NUP85: variants seen among roughly 807,000 people sequenced by gnomAD.
NUP85 encodes the protein nuclear pore complex protein Nup85.
In NUP85, 23 loss-of-function variants were observed where a neutral mutation model predicts 92.8. The observed-to-expected ratio is 0.25, with a 90% confidence interval of 0.18 to 0.35. The LOEUF (loss-of-function observed/expected upper bound fraction) is 0.35, where lower values mean the gene tolerates loss of function less well. NUP85 is among the 10% of genes least tolerant of loss of function. The probability of loss-of-function intolerance (pLI) is 1.00; values close to 1 mark genes in which losing one functional copy is unlikely to be tolerated. For missense variants in NUP85, 759 were observed against 822.8 expected (o/e 0.92, Z 0.95); for synonymous variants, 314 against 306.9 (o/e 1.02, Z -0.24).
chr17:75,210,999 C>G (rs1439009065), intron 3 of NUP85, among the ~76,000 whole-genome samples: 1 of 122,714 alleles, frequency 8.1e-6, no homozygotes, highest in Non-Finnish European at 1.7e-5. Context: ...CTGTGCCTGG[C>G]CCTGTTTTTT....
intron 3 of NUP85, 55 bp from the exon 4 acceptor site, chr17:75,211,937 T>C (rs938313740): frequency 1.4e-5 from 19 of 1,355,292 alleles, no homozygotes; most frequent in Non-Finnish European, 1.8e-5. Context: ...TTCCTTCCTT[T>C]GTGGCACTAC....
At chr17:75,205,857 C>T (rs1364792914) in intron 1 of NUP85, 63 bp downstream of exon 1, 3 of 1,579,602 alleles carry the variant, frequency 1.9e-6, no homozygotes, top group Admixed American at 1.7e-5. Context: ...TGCTTAGTTA[C>T]TTCAGGCTTG....
intron 7 of NUP85, among the ~76,000 whole-genome samples, chr17:75,223,382 T>G: frequency 6.6e-6 from 1 of 152,020 alleles, no homozygotes; most frequent in Non-Finnish European, 1.5e-5. Context: ...GAGTGTATAT[T>G]TTATGTTATG....
At position 75,209,953 on chromosome 17, in the gene NUP85, C is replaced by G; in HGVS notation, c.258C>G (p.Asp86Glu). 1 of 1,585,492 alleles carries G rather than the reference C, an allele frequency of 6.3e-7. No individual in the cohort carries two copies. The highest frequency in any genetic ancestry group is 8.5e-7 in the Non-Finnish European group (1 of 1,172,672). ...HGIFLGLQRI[D>E]EELTGKSRKS... ...TCTTTCTGGGCCTCCAGAGAATTGA[C>G]GAAGAGTTGACTGGAAAATCCAGAA... The change falls in exon 3 of 19, where the codon GAC becomes GAG. Residue 86 changes from aspartate to glutamate, a missense_variant. Asp to Glu is a conservative substitution (Grantham distance 45, BLOSUM62 2). Transcript: ENST00000245544.
rs3841603 is a variant in NUP85, at chr17:75,235,722, AT to A, written c.*50del. 0.84 allele frequency: 1,120,447 copies of A among 1,330,420 alleles called. 474,543 individuals are homozygous for A. Among genetic ancestry groups the A allele is most frequent in the East Asian group, 0.95 (40,654 of 42,942 alleles). The allele number at this position is 1,330,420 out of a possible 1,614,324, so 82.4% of individuals were successfully genotyped here. A position where few individuals can be genotyped will look rare whatever the true frequency, so the allele number is the denominator to read the frequency against. ...TATCTTTGTATGGCAATGTATATAG[AT>A]TTTTTTAAAAGAATAAATGTTGTTT... is the stretch of plus-strand genomic sequence containing the variant. On this transcript the variant is annotated 3_prime_UTR_variant, in exon 19 of 19. Coordinates refer to ENST00000245544, the MANE Select transcript of NUP85 (RefSeq NM_024844.5).
chr17:75,232,961 T>A lies in NUP85; in HGVS notation c.1507T>A (p.Ser503Thr). 1.2e-6 allele frequency: 2 copies of A among 1,614,114 alleles called. No homozygotes were observed. Among genetic ancestry groups the A allele is most frequent in the Non-Finnish European group, 1.7e-6 (2 of 1,179,940 alleles). Residue 503 changes from serine to threonine, a missense_variant, in exon 15 of 19, where the codon TCA becomes ACA. Ser to Thr is a moderately conservative substitution (Grantham distance 58). Coordinates refer to ENST00000245544, the MANE Select transcript of NUP85 (RefSeq NM_024844.5). ...GGATGCCGCCTTTGCCACGCTCGTG[T>A]CAGACAGGTGGGTGCCGCTAGTGTT... Reference protein sequence around the residue: ...AKDAAFATLVSDRFLRDYCER... With the variant: ...AKDAAFATLVTDRFLRDYCER...
intron 1 of NUP85, among the ~76,000 whole-genome samples, chr17:75,206,055 C>T (rs1313861477): frequency 1.3e-5 from 2 of 152,034 alleles, no homozygotes; most frequent in Non-Finnish European, 2.9e-5. Flanking sequence ...TGTTCCTGGC[C>T]TTTTTACTTC....
Position 75,225,924 on chromosome 17 carries a change from G to T in NUP85, c.987+95G>T, listed in dbSNP as rs542250716. 75 of 1,595,314 alleles carry T rather than the reference G, an allele frequency of 4.7e-5. 2 individuals are homozygous for T. In the South Asian group the frequency reaches 8.0e-4, roughly 17 times the overall value. ...TGAATTCCTCCCTGAGGAACAGGAAGACCCTTTCCTTTGGCCCTTAGTGAA... is the reference window on the plus strand; with the variant it reads ...TGAATTCCTCCCTGAGGAACAGGAATACCCTTTCCTTTGGCCCTTAGTGAA... On this transcript the variant is annotated intron_variant, in intron 10 of 18. Coordinates refer to ENST00000245544, the MANE Select transcript of NUP85 (RefSeq NM_024844.5).
intron 7 of NUP85, among the ~76,000 whole-genome samples, chr17:75,222,555 TG>T (rs1447716728): frequency 1.4e-5 from 2 of 143,644 alleles, no homozygotes; most frequent in Non-Finnish European, 1.5e-5. Flanking sequence ...TTGCCCAGGC[TG>T]GAGTGCAGTG....
In NUP85 at chr17:75,231,284, G is replaced by A; in HGVS notation, c.1095-56G>A. The A allele has an allele frequency of 2.5e-6, 4 of 1,570,184 alleles. No homozygotes were observed. Among genetic ancestry groups the A allele is most frequent in the Non-Finnish European group, 3.5e-6 (4 of 1,140,544 alleles). On this transcript the variant is annotated intron_variant, in intron 11 of 18. Coordinates refer to ENST00000245544, the MANE Select transcript of NUP85 (RefSeq NM_024844.5). The surrounding 1 kb of genome is among the most constrained non-coding windows in gnomAD (Gnocchi z 4.6). Reference sequence around the variant, plus strand: ...GGGTTTCTTGCTCACCCCCACTCTTGTGGGACGCGGCCTGTGCCCTGATTT... The same window carrying A: ...GGGTTTCTTGCTCACCCCCACTCTTATGGGACGCGGCCTGTGCCCTGATTT...
At chr17:75,210,710 G>GT (rs1035043875) in intron 3 of NUP85, among the ~76,000 whole-genome samples, 7 of 151,754 alleles carry the variant, frequency 4.6e-5, no homozygotes, top group African/African-American at 7.3e-5. Flanking sequence ...TTGTTTTTCT[G>GT]TTTTTTTTCG....
chr17:75,212,083 CGCGCGTGT>C (rs1344018817), intron 4 of NUP85, 21 bp downstream of exon 4: 4 of 941,622 alleles, frequency 4.2e-6, no homozygotes, highest in Non-Finnish European at 6.0e-6. Context: ...TGTGCGCGTG[CGCGCGTGT>C]GTGTGTGTGT....
chr17:75,230,357 T>G (rs2075999891), intron 11 of NUP85, among the ~76,000 whole-genome samples: 1 of 10,936 alleles, frequency 9.1e-5, no homozygotes, highest in African/African-American at 1.3e-4. Context: ...TACAACATGT[T>G]TTTTGTTTTT....
chr17:75,229,183 G>A, intron 11 of NUP85: 1 of 983,892 alleles, frequency 1.0e-6, no homozygotes, highest in Non-Finnish European at 1.2e-6. Context: ...AATGTCTGCT[G>A]AATCTAGAAT....
chr17:75,228,411 T>C (rs2075906988), intron 11 of NUP85: 1 of 985,430 alleles, frequency 1.0e-6, no homozygotes, highest in Non-Finnish European at 1.2e-6. Context: ...GGAGTTTGCA[T>C]TTCTCTGATC....
chr17:75,232,983 T>C lies in NUP85; in HGVS notation c.1514+15T>C, dbSNP rs530182331. 1.1e-4 allele frequency: 171 copies of C among 1,613,612 alleles called. 2 individuals are homozygous for C. In the South Asian group the frequency reaches 1.8e-3, roughly 17 times the overall value. On this transcript the variant is annotated intron_variant, in intron 15 of 18. Transcript: ENST00000245544. ...GTGTCAGACAGGTGGGTGCCGCTAG[T>C]GTTGGCTTCCCAGGGACTGGGTGGT...
chr17:75,220,878 ATTT>A (rs71159457), intron 7 of NUP85, among the ~76,000 whole-genome samples: 2 of 97,556 alleles, frequency 2.1e-5, no homozygotes, highest in Non-Finnish European at 1.9e-5. Context: ...CACCATCCCA[ATTT>A]TTTTTTTTTT....
chr17:75,219,319 T>C (rs796908287), intron 7 of NUP85, among the ~76,000 whole-genome samples: 11 of 152,322 alleles, frequency 7.2e-5, no homozygotes, highest in African/African-American at 2.6e-4. Context: ...CTTTGCGGCC[T>C]GGGCGGGAGT....
At chr17:75,221,073 C>T (rs566023654) in intron 7 of NUP85, among the ~76,000 whole-genome samples, 8 of 152,128 alleles carry the variant, frequency 5.3e-5, no homozygotes, top group African/African-American at 1.7e-4. Flanking sequence ...TTAGTAGAGA[C>T]GGGATTTCAC....
Sources: gnomAD v4.1 joint callset for allele counts (sites outside exome capture counted in the v4.1 genomes callset) on GRCh38, gnomAD v4.1.1 for gene constraint, Gnocchi (gnomAD v3.1) non-coding constraint, MANE v1.5 for transcripts, NCBI Gene and HGNC (gene_info 2026-07-23, HGNC 2026-07-21) for gene names.